The following ATF6 variants were observed in gnomAD, a reference collection of about 807,000 sequenced individuals.
ATF6 encodes activating transcription factor 6.
In ATF6, 53 loss-of-function variants were observed where a neutral mutation model predicts 83.6. That is an observed-to-expected ratio of 0.63 (90% CI 0.51 to 0.80). The LOEUF (loss-of-function observed/expected upper bound fraction) is 0.80, where lower values mean the gene tolerates loss of function less well. Ranked by LOEUF, ATF6 falls within the 30% of genes least tolerant of loss-of-function variation. The pLI, the probability that ATF6 is intolerant of heterozygous loss-of-function variation, is 0.00. For missense variants in ATF6, 744 were observed against 797.9 expected, an observed-to-expected ratio of 0.93 and a Z score of 0.81; for synonymous variants, 288 against 285.8, an observed-to-expected ratio of 1.01 and a Z score of -0.08.
At chr1:161,777,179 A>G (rs1300009047) in intron 1 of ATF6, among the ~76,000 whole-genome samples, 2 of 152,218 alleles carry the variant, frequency 1.3e-5, no homozygotes, top group Non-Finnish European at 2.9e-5. Flanking sequence ...GAGCAGGTTT[A>G]GAACGAATGG....
At chr1:161,842,760 T>G (rs1338610087) in intron 9 of ATF6, among the ~76,000 whole-genome samples, 1 of 152,132 alleles carries the variant, frequency 6.6e-6, no homozygotes, top group Non-Finnish European at 1.5e-5. Flanking sequence ...AATAAAAAAT[T>G]TTAAAAAAAG....
intron 7 of ATF6, among the ~76,000 whole-genome samples, chr1:161,807,684 A>C (rs556423384): frequency 6.6e-6 from 1 of 152,200 alleles, no homozygotes; most frequent in Non-Finnish European, 1.5e-5. Context: ...GCTTCTAAAA[A>C]TTTATCTTGA....
intron 7 of ATF6, among the ~76,000 whole-genome samples, chr1:161,809,296 C>T (rs913018889): frequency 1.3e-4 from 20 of 151,414 alleles, no homozygotes; most frequent in South Asian, 1.3e-3. Flanking sequence ...CATGTGTGTT[C>T]GGTTTTTTGT....
intron 7 of ATF6, among the ~76,000 whole-genome samples, chr1:161,813,601 A>T (rs1411718242): frequency 6.6e-6 from 1 of 152,134 alleles, no homozygotes; most frequent in Non-Finnish European, 1.5e-5. Flanking sequence ...CTTTTCTGTC[A>T]AATTGTTTTT....
At chr1:161,775,186 T>C (rs1178278520) in intron 1 of ATF6, among the ~76,000 whole-genome samples, 2 of 152,214 alleles carry the variant, frequency 1.3e-5, no homozygotes, top group Non-Finnish European at 2.9e-5. Context: ...GATGTTCCTA[T>C]GCCATCATAT....
At chr1:161,786,321 T>G (rs1557959478) in intron 4 of ATF6, among the ~76,000 whole-genome samples, 1 of 152,158 alleles carries the variant, frequency 6.6e-6, no homozygotes, top group Non-Finnish European at 1.5e-5. Flanking sequence ...GGTCTTTTTC[T>G]CTTTAATATT....
intron 4 of ATF6, among the ~76,000 whole-genome samples, chr1:161,784,334 A>G (rs1277849215): frequency 6.6e-6 from 1 of 152,008 alleles, no homozygotes; most frequent in Admixed American, 6.6e-5. Context: ...CATTTGTTTC[A>G]TTGCATTTTA....
At chr1:161,859,410 AT>A (rs1289981880) in intron 12 of ATF6, among the ~76,000 whole-genome samples, 1 of 152,230 alleles carries the variant, frequency 6.6e-6, no homozygotes, top group African/African-American at 2.4e-5. Flanking sequence ...CAGAAGTCAA[AT>A]ATTTAATTTT....
intron 15 of ATF6, among the ~76,000 whole-genome samples, chr1:161,940,662 G>A (rs537559386): frequency 2.7e-5 from 4 of 149,394 alleles, no homozygotes; most frequent in Admixed American, 6.7e-5. Context: ...GGGTTCAAGC[G>A]ATTCTTCTGC....
chr1:161,770,130 A>G (rs571579757), intron 1 of ATF6, among the ~76,000 whole-genome samples: 1 of 152,012 alleles, frequency 6.6e-6, no homozygotes, highest in East Asian at 1.9e-4. Flanking sequence ...CACTGTCTCC[A>G]TGGTTTTGCC....
rs148286684 is a variant in ATF6, at chr1:161,958,760, G to A, written c.*106G>A. 2.6e-5 allele frequency: 24 copies of A among 926,538 alleles called. No individual in the cohort carries two copies. The East Asian group carries it at 3.8e-4, about 15-fold the overall frequency. 57.4% of individuals were successfully genotyped at this position (926,538 alleles called of 1,614,324 possible). A position where few individuals can be genotyped will look rare whatever the true frequency, so the allele number is the denominator to read the frequency against. On this transcript the variant is annotated 3_prime_UTR_variant, in exon 16 of 16. Transcript: ENST00000367942. ...TTGGTGGCAGGCAGAGAACTGTCTC[G>A]TACTAGAATTCAAGGAGGAAAGAAG...
chr1:161,958,571 C>T lies in ATF6; in HGVS notation c.1930C>T (p.Gln644Ter), dbSNP rs1689015666. 6.2e-7 allele frequency: 1 copy of T among 1,613,972 alleles called. No homozygotes were observed. The highest frequency in any genetic ancestry group is 1.3e-5 in the African/African-American group (1 of 74,906). ...TTACCTCCGAGATCAGCAGAGGAAT[C>T]AAACCAACACCTTCTTTGGCTCCCC... ...PPYLRDQQRN[Q>*]TNTFFGSPPA... is the part of the protein sequence containing the mutation. Residue 644 changes from glutamine (Q) to a stop codon, truncating the protein, a stop_gained, in exon 16 of 16, where the codon CAA becomes TAA. Transcript: ENST00000367942. LOFTEE classifies it high-confidence loss of function.
At chr1:161,768,813 C>G (rs1684324828) in intron 1 of ATF6, among the ~76,000 whole-genome samples, 1 of 152,040 alleles carries the variant, frequency 6.6e-6, no homozygotes, top group Non-Finnish European at 1.5e-5. Context: ...CTCAGTCATC[C>G]TGCCTCAACC....
chr1:161,887,166 G>A (rs753558210), intron 14 of ATF6, among the ~76,000 whole-genome samples: 2 of 151,876 alleles, frequency 1.3e-5, no homozygotes, highest in Non-Finnish European at 2.9e-5. Context: ...CCACCTCCCG[G>A]GTTCAATCTG....
At chr1:161,878,543 C>T (rs924871297) in intron 14 of ATF6, among the ~76,000 whole-genome samples, 9 of 150,588 alleles carry the variant, frequency 6.0e-5, no homozygotes, top group Non-Finnish European at 8.9e-5. Flanking sequence ...CAGCAAAGGA[C>T]GGTTCAGGAC....
chr1:161,922,950 A>G (rs1053547389), intron 15 of ATF6, among the ~76,000 whole-genome samples: 1 of 152,178 alleles, frequency 6.6e-6, no homozygotes, highest in Non-Finnish European at 1.5e-5. Flanking sequence ...ATGTACATGT[A>G]AAGAGATCAC....
chr1:161,842,727 C>T (rs1686387077), intron 9 of ATF6, among the ~76,000 whole-genome samples: 1 of 152,100 alleles, frequency 6.6e-6, no homozygotes, highest in African/African-American at 2.4e-5. Flanking sequence ...CCAAATGCCA[C>T]CTGTTCCCCA....
At chr1:161,870,454 T>C (rs1459221877) in intron 14 of ATF6, among the ~76,000 whole-genome samples, 3 of 151,776 alleles carry the variant, frequency 2.0e-5, no homozygotes, top group Admixed American at 1.3e-4. Flanking sequence ...GGAAGTAGTT[T>C]AGCAAAAACA....
chr1:161,905,841 T>C lies in ATF6; in HGVS notation c.1720-6455T>C, dbSNP rs563526934. 4.0e-5 allele frequency among the ~76,000 whole-genome samples: 6 copies of C among 150,758 alleles called. No homozygotes were observed. The South Asian group carries it at 1.3e-3, about 32-fold the overall frequency. On this transcript the variant is annotated intron_variant, in intron 14 of 15. Coordinates refer to ENST00000367942, the MANE Select transcript of ATF6 (RefSeq NM_007348.4). ...TTGTTGTTTTGTTTTTTGTTTTTTG[T>C]TTTTTTTTGAGACGGAGTTTCGCCC... is the stretch of plus-strand genomic sequence containing the variant.
Sources: allele counts gnomAD v4.1 joint callset (sites outside exome capture counted in the v4.1 genomes callset), GRCh38; gene constraint gnomAD v4.1.1; transcripts MANE v1.5; gene names NCBI Gene and HGNC (gene_info 2026-07-23, HGNC 2026-07-21).